The following ZNF469 variants were observed in gnomAD, a reference collection of about 807,000 sequenced individuals.
The protein encoded by ZNF469 is zinc finger protein 469.
A neutral mutation model predicts 1.0 loss-of-function variants in ZNF469; 1 was observed. The observed-to-expected ratio is 1.00, with a 90% CI of 0.35 to 4.73. The LOEUF is 4.73. ZNF469 is among the 30% of genes most tolerant of loss of function. The pLI is 0.16. For missense variants in ZNF469, 6,100 were observed against 5,356.3 expected (o/e 1.14, Z -4.33); for synonymous variants, 2,703 against 2,363.4 (o/e 1.14, Z -4.17).
At chr16:88,425,656 G>GA (rs1905668905) in intron 2 of ZNF469, among the ~76,000 whole-genome samples, 1 of 152,216 alleles carries the variant, frequency 6.6e-6, no homozygotes, top group Non-Finnish European at 1.5e-5. Flanking sequence ...GGCAGTTCAG[G>GA]AAAGTGCTCA....
At chr16:88,381,978 G>A (rs2142258377), upstream of ZNF469, among the ~76,000 whole-genome samples, 1 of 152,388 alleles carries the variant, frequency 6.6e-6, no homozygotes, top group South Asian at 2.1e-4. Context: ...ACTTGCGTAA[G>A]TAAAGCGTGC....
At chr16:88,317,859 C>T in the ZNF469 span, among the ~76,000 whole-genome samples, 1 of 152,250 alleles carries the variant, frequency 6.6e-6, no homozygotes, top group Non-Finnish European at 1.5e-5. Flanking sequence ...GCTCTCTGCG[C>T]CGCTGAACCG....
chr16:88,436,838 G>C lies in ZNF469; in HGVS notation c.9368G>C (p.Arg3123Pro), dbSNP rs536601676. 13 of 1,533,978 alleles carry C rather than the reference G, an allele frequency of 8.5e-6. No individual in the cohort carries two copies. The East Asian group carries it at 2.5e-4, about 29-fold the overall frequency. The change falls in exon 3 of 3, where the codon CGC becomes CCC. Residue 3123 changes from arginine (R) to proline (P), a missense_variant. Transcript: ENST00000565624. ...TACAAGTGCAAAGTGTGCTTCCAGC[G>C]CTTCCGCAGCCTGGGCGAGCTGGAC... is the stretch of plus-strand genomic sequence containing the variant. ...ASYKCKVCFQ[R>P]FRSLGELDLH...
At chr16:88,413,696 A>G (rs1444371817) in intron 1 of ZNF469, among the ~76,000 whole-genome samples, 2 of 152,190 alleles carry the variant, frequency 1.3e-5, no homozygotes, top group Non-Finnish European at 2.9e-5. Flanking sequence ...CAGCTCTGAA[A>G]TGGGGTGACT....
At chr16:88,359,117 A>T in the ZNF469 span, among the ~76,000 whole-genome samples, 1 of 152,186 alleles carries the variant, frequency 6.6e-6, no homozygotes, top group Non-Finnish European at 1.5e-5. Context: ...GTGGCAAGTT[A>T]CGCCCCCACC....
Position 88,430,804 on chromosome 16 carries a change from A to G in ZNF469, c.3334A>G (p.Arg1112Gly). The G allele has an allele frequency of 6.5e-7, 1 of 1,529,388 alleles. No homozygotes were observed. The highest frequency in any genetic ancestry group is 8.7e-7 in the Non-Finnish European group (1 of 1,144,310). The allele number at this position is 1,529,388 out of a possible 1,614,324, so 94.7% of individuals were successfully genotyped here. ...GCCTCCGCCGCGGGGCCCCGGCTTC[A>G]GAGGCCGGCGGGGCCGAGGCGAGAA... The part of the protein sequence containing the change: ...EQPPPRGPGF[R>G]GRRGRGEKRK... The change falls in exon 3 of 3, where the codon AGA becomes GGA. Residue 1112 changes from arginine to glycine, a missense_variant. By Grantham distance (125) the Arg-to-Gly change is moderately radical. Coordinates refer to ENST00000565624, the MANE Select transcript of ZNF469 (RefSeq NM_001367624.2).
At chr16:88,152,590 C>A in the ZNF469 span, among the ~76,000 whole-genome samples, 1 of 152,188 alleles carries the variant, frequency 6.6e-6, no homozygotes, top group Non-Finnish European at 1.5e-5. The surrounding 1 kb of genome is among the most constrained non-coding windows in gnomAD (Gnocchi z 4.2). Context: ...GTCCTGGCGT[C>A]CACAGGCGGG....
intron 2 of ZNF469, among the ~76,000 whole-genome samples, chr16:88,426,198 G>A (rs1905692620): frequency 6.6e-6 from 1 of 152,240 alleles, no homozygotes; most frequent in Non-Finnish European, 1.5e-5. Context: ...CCTGAGGCCT[G>A]TCCCTTCAGC....
the ZNF469 span, among the ~76,000 whole-genome samples, chr16:88,285,125 C>T: frequency 1.3e-5 from 2 of 152,274 alleles, no homozygotes; most frequent in African/African-American, 4.8e-5. Flanking sequence ...AAGCCCAAGG[C>T]ACACGTGCCC....
At chr16:88,165,798 C>T in the ZNF469 span, among the ~76,000 whole-genome samples, 3 of 152,150 alleles carry the variant, frequency 2.0e-5, no homozygotes, top group South Asian at 2.1e-4. Context: ...TGCCCCAGCC[C>T]GGCCCCGCCG....
At position 88,433,670 on chromosome 16, in the gene ZNF469, C is replaced by T. The variant is rs1453934715; in HGVS notation, c.6200C>T (p.Ala2067Val). Residue 2067 changes from alanine (A) to valine (V), a missense_variant, in exon 3 of 3, where the codon GCG becomes GTG. Ala to Val is a moderately conservative substitution (Grantham distance 64, BLOSUM62 0). Coordinates refer to ENST00000565624, the MANE Select transcript of ZNF469 (RefSeq NM_001367624.2). ...SPPSPNRESL[A>V]LALTAAHSRS... is the part of the protein sequence containing the mutation. ...CCGTCCCCTAATAGGGAGTCCCTGGCGCTGGCCTTGACAGCAGCCCACAGC... is the reference window on the plus strand; with the variant it reads ...CCGTCCCCTAATAGGGAGTCCCTGGTGCTGGCCTTGACAGCAGCCCACAGC... 9.7e-6 allele frequency: 15 copies of T among 1,549,868 alleles called. No homozygotes were observed. The highest frequency in any genetic ancestry group is 1.7e-4 in the Middle Eastern group (1 of 5,992).
the ZNF469 span, among the ~76,000 whole-genome samples, chr16:88,226,022 C>T: frequency 6.6e-6 from 1 of 152,110 alleles, no homozygotes; most frequent in African/African-American, 2.4e-5. Context: ...GATGGTCGCC[C>T]CCCACCTCCC....
chr16:88,364,158 A>T, the ZNF469 span, among the ~76,000 whole-genome samples: 1 of 152,162 alleles, frequency 6.6e-6, no homozygotes, highest in African/African-American at 2.4e-5. Context: ...TTTGAGTATG[A>T]TGTTAAGCAG....
chr16:88,304,394 G>T, the ZNF469 span, among the ~76,000 whole-genome samples: 1 of 152,246 alleles, frequency 6.6e-6, no homozygotes, highest in East Asian at 1.9e-4. Flanking sequence ...CTGAAGATGG[G>T]AAACTGAGAA....
chr16:88,432,362 G>C lies in ZNF469; in HGVS notation c.4892G>C (p.Gly1631Ala). The change falls in exon 3 of 3, where the codon GGA becomes GCA. Residue 1631 changes from glycine to alanine, a missense_variant. Gly to Ala is a moderately conservative substitution (Grantham distance 60, BLOSUM62 0). Transcript: ENST00000565624. Reference protein sequence around the residue: ...TFSAADLTRVGESTAHREGAE... With the variant: ...TFSAADLTRVAESTAHREGAE... ...TCGGCAGCTGACCTCACGCGCGTTG[G>C]AGAATCCACTGCACATCGGGAGGGT... is the stretch of plus-strand genomic sequence containing the variant. 6.5e-7 allele frequency: 1 copy of C among 1,548,788 alleles called. No homozygotes were observed. The highest frequency in any genetic ancestry group is 8.7e-7 in the Non-Finnish European group (1 of 1,146,648).
At position 88,430,731 on chromosome 16, in the gene ZNF469, C is replaced by G; in HGVS notation, c.3261C>G (p.Arg1087=). The G allele has an allele frequency of 6.7e-7, 1 of 1,499,128 alleles. No individual in the cohort carries two copies. Among genetic ancestry groups the G allele is most frequent in the Non-Finnish European group, 8.8e-7 (1 of 1,132,112 alleles). 92.9% of individuals were successfully genotyped at this position (1,499,128 alleles called of 1,614,324 possible). The part of the protein sequence containing the change: ...AGRPRPGAED[R]RLREYDFASE... ...GGCCCCGGCCCGGAGCTGAGGACCG[C>G]AGGCTCCGCGAGTACGACTTCGCCT... The change falls in exon 3 of 3, where the codon CGC becomes CGG. Residue 1087 remains arginine, a synonymous_variant. Transcript: ENST00000565624.
At chr16:88,295,024 G>T in the ZNF469 span, among the ~76,000 whole-genome samples, 3 of 147,496 alleles carry the variant, frequency 2.0e-5, no homozygotes, top group Non-Finnish European at 4.5e-5. Flanking sequence ...CAGGGTCTGG[G>T]GAGTATGTCA....
At chr16:88,300,439 G>T in the ZNF469 span, among the ~76,000 whole-genome samples, 199 of 152,158 alleles carry the variant, frequency 1.3e-3, no homozygotes, top group African/African-American at 3.9e-3. Context: ...GAAAACCTGC[G>T]TGTGACGGGT....
At chr16:88,415,154 C>T (rs1905271452) in intron 1 of ZNF469, among the ~76,000 whole-genome samples, 1 of 152,212 alleles carries the variant, frequency 6.6e-6, no homozygotes, top group Admixed American at 6.5e-5. Flanking sequence ...CCTTGTGGGG[C>T]CTTGAGAGGA....
Sources: allele counts gnomAD v4.1 joint callset (sites outside exome capture counted in the v4.1 genomes callset), GRCh38; gene constraint gnomAD v4.1.1; non-coding constraint Gnocchi (gnomAD v3.1); transcripts MANE v1.5; gene names NCBI Gene and HGNC (gene_info 2026-07-23, HGNC 2026-07-21).